Variants in COL22A1 observed in about 807,000 individuals in gnomAD.
The protein encoded by COL22A1 is collagen alpha-1(XXII) chain.
COL22A1 carries 221 observed loss-of-function variants against 248.9 expected under a neutral mutation model. The observed-to-expected ratio is 0.89, with a 90% CI of 0.80 to 0.99. COL22A1 has a LOEUF of 0.99. Among genes scored for constraint, COL22A1 ranks in the 50% least tolerant of loss-of-function variants. The pLI is 0.00. For missense variants in COL22A1, 2,240 were observed against 2,179.0 expected (o/e 1.03, Z -0.56); for synonymous variants, 891 against 793.4 (o/e 1.12, Z -2.07).
At chr8:138,851,215 G>C (rs1563843354) in intron 3 of COL22A1, among the ~76,000 whole-genome samples, 1 of 152,220 alleles carries the variant, frequency 6.6e-6, no homozygotes, top group Non-Finnish European at 1.5e-5. Flanking sequence ...TAAGGTGAGT[G>C]ACATCTGAGC....
intron 43 of COL22A1, among the ~76,000 whole-genome samples, chr8:138,660,975 TACAC>T (rs1259072960): frequency 5.7e-5 from 3 of 52,182 alleles, no homozygotes; most frequent in South Asian, 6.3e-4. Flanking sequence ...CACACACACA[TACAC>T]ACACACATAC....
chr8:138,787,012 C>A (rs925638135), intron 12 of COL22A1, among the ~76,000 whole-genome samples: 5 of 152,192 alleles, frequency 3.3e-5, no homozygotes, highest in Non-Finnish European at 5.9e-5. Flanking sequence ...CTCATCCTTT[C>A]TAAAGTAGAG....
chr8:138,676,449 GAAAGAAAGGAAGAAAGA>G (rs1825543138), intron 41 of COL22A1, 92 bp downstream of exon 41: 1 of 563,614 alleles, frequency 1.8e-6, no homozygotes, highest in Non-Finnish European at 3.1e-6. Context: ...AAGAAAGAAA[GAAAGAAAGGAAGAAAGA>G]AAGAAAGAAA....
chr8:138,643,293 A>T (rs1202204137), intron 47 of COL22A1, among the ~76,000 whole-genome samples: 2 of 152,178 alleles, frequency 1.3e-5, no homozygotes, highest in Non-Finnish European at 2.9e-5. Flanking sequence ...TCTGATATCT[A>T]TAACTCCTGA....
chr8:138,711,390 C>G (rs1828953416), intron 30 of COL22A1, among the ~76,000 whole-genome samples: 1 of 152,218 alleles, frequency 6.6e-6, no homozygotes, highest in South Asian at 2.1e-4. Context: ...TCAATTATCA[C>G]ATATTTCTCT....
chr8:138,710,607 C>CTATATAGA (rs1554597167), intron 30 of COL22A1, among the ~76,000 whole-genome samples: 10 of 148,364 alleles, frequency 6.7e-5, no homozygotes, highest in East Asian at 2.0e-4. Context: ...ATCTATCTAT[C>CTATATAGA]TATATATATA....
Position 138,883,085 on chromosome 8 carries a change from C to T in COL22A1, c.88G>A (p.Ala30Thr), listed in dbSNP as rs1270295944. 1 of 1,580,196 alleles carries T rather than the reference C, an allele frequency of 6.3e-7. No individual in the cohort carries two copies. The highest frequency in any genetic ancestry group is 1.2e-5 in the South Asian group (1 of 86,508). The change falls in exon 2 of 65, where the codon GCA becomes ACA. Residue 30 changes from alanine (A) to threonine (T), a missense_variant. Coordinates refer to ENST00000303045, the MANE Select transcript of COL22A1 (RefSeq NM_152888.3). ...SGGGGCQAQRAGCKSVHYDLV... is the reference protein window; with the variant it reads ...SGGGGCQAQRTGCKSVHYDLV... ...GCACAGCCCACGGTGGCCCCACCTG[C>T]CCGCTGAGCCTGGCAGCCGCCGCCC...
Position 138,635,034 on chromosome 8 carries a change from C to A in COL22A1, c.3585G>T (p.Gly1195=), listed in dbSNP as rs1281771210. 1 of 1,609,102 alleles carries A rather than the reference C, an allele frequency of 6.2e-7. No homozygotes were observed. Among genetic ancestry groups the A allele is most frequent in the Non-Finnish European group, 8.5e-7 (1 of 1,176,892 alleles). Residue 1195 remains glycine, a synonymous_variant, in exon 49 of 65, where the codon GGG becomes GGT. Coordinates refer to ENST00000303045, the MANE Select transcript of COL22A1 (RefSeq NM_152888.3). ...CTGGTGGCCCAGGGTTCCCTGGGGG[C>A]CCCATGAAACCTGGAACTCCAGGAT... is the stretch of plus-strand genomic sequence containing the variant. ...QGHPGVPGFM[G]PPGNPGPPGA...
Position 138,598,846 on chromosome 8 carries a change from G to A in COL22A1, c.4238C>T (p.Pro1413Leu). Residue 1413 changes from proline to leucine, a missense_variant, in exon 61 of 65, where the codon CCT becomes CTT. Physicochemically the swap from Pro to Leu is moderately conservative, Grantham distance 98. Transcript: ENST00000303045. ...GTGGCCTGGGATTCCAGGGTCCCCA[G>A]GCTGGCCTTTTCCACCAGGAGGTCC... ...DKGPPGGKGQ[P>L]GDPGIPGHKG... The A allele has an allele frequency of 6.2e-7, 1 of 1,614,150 alleles. No homozygotes were observed. Among genetic ancestry groups the A allele is most frequent in the Non-Finnish European group, 8.5e-7 (1 of 1,180,020 alleles).
intron 16 of COL22A1, among the ~76,000 whole-genome samples, chr8:138,764,412 G>A (rs1257992010): frequency 6.6e-6 from 1 of 152,202 alleles, no homozygotes; most frequent in Non-Finnish European, 1.5e-5. Context: ...GGCAGGGGCT[G>A]CCTGACTCTG....
intron 47 of COL22A1, among the ~76,000 whole-genome samples, chr8:138,643,423 T>A (rs1821895091): frequency 6.6e-6 from 1 of 152,216 alleles, no homozygotes; most frequent in African/African-American, 2.4e-5. Context: ...CATCTTGATA[T>A]ACCACAAGGC....
intron 7 of COL22A1, among the ~76,000 whole-genome samples, chr8:138,815,050 G>T (rs549387774): frequency 6.6e-6 from 1 of 152,084 alleles, no homozygotes; most frequent in Non-Finnish European, 1.5e-5. Flanking sequence ...TTCTATAAAC[G>T]GGAGCTCCCT....
At chr8:138,601,367 C>A (rs1050217222) in intron 60 of COL22A1, among the ~76,000 whole-genome samples, 1 of 152,100 alleles carries the variant, frequency 6.6e-6, no homozygotes, top group African/African-American at 2.4e-5. Flanking sequence ...AGCCGGCTCC[C>A]CACCCACCCC....
At chr8:138,704,298 T>C (rs1389862927) in intron 30 of COL22A1, among the ~76,000 whole-genome samples, 1 of 152,186 alleles carries the variant, frequency 6.6e-6, no homozygotes, top group African/African-American at 2.4e-5. Context: ...GCACGGAGTT[T>C]GAGATCTAAG....
intron 24 of COL22A1, 137 bp downstream of exon 24, chr8:138,725,250 G>T: frequency 1.1e-6 from 1 of 898,478 alleles, no homozygotes; most frequent in Non-Finnish European, 1.9e-6. Context: ...CTACGTGTCG[G>T]GGTCCTCCTG....
intron 22 of COL22A1, among the ~76,000 whole-genome samples, chr8:138,742,712 G>C (rs1476797610): frequency 6.7e-6 from 1 of 149,982 alleles, no homozygotes; most frequent in Non-Finnish European, 1.5e-5. Flanking sequence ...GATGATGATG[G>C]TAGAGTTGAT....
chr8:138,749,025 A>C (rs941250333), intron 22 of COL22A1, among the ~76,000 whole-genome samples: 1 of 152,164 alleles, frequency 6.6e-6, no homozygotes, highest in Non-Finnish European at 1.5e-5. Context: ...ATGGTTTTAC[A>C]AGGGAAACCC....
At chr8:138,809,082 T>G (rs1312078209) in intron 9 of COL22A1, among the ~76,000 whole-genome samples, 2 of 149,776 alleles carry the variant, frequency 1.3e-5, no homozygotes, top group Non-Finnish European at 3.0e-5. Context: ...TTTTTTTTAT[T>G]GAAACGAAGA....
At chr8:138,768,074 C>G (rs116740950) in intron 16 of COL22A1, among the ~76,000 whole-genome samples, 2,344 of 152,260 alleles carry the variant, frequency 0.015, 64 homozygotes, top group African/African-American at 0.053. Context: ...CTCAGCACAC[C>G]CTGCATAAAT....
Sources: allele counts gnomAD v4.1 joint callset (sites outside exome capture counted in the v4.1 genomes callset), GRCh38; gene constraint gnomAD v4.1.1; transcripts MANE v1.5; gene names NCBI Gene and HGNC (gene_info 2026-07-23, HGNC 2026-07-21).